ITGA9: variants seen among roughly 807,000 people sequenced by gnomAD.
ITGA9 encodes the protein integrin subunit alpha 9.
Under a neutral mutation model 127.8 loss-of-function variants are expected in ITGA9, and 56 were observed. That is an observed-to-expected ratio of 0.44 (90% CI 0.35 to 0.55). The LOEUF is 0.55. ITGA9 is among the 20% of genes least tolerant of loss of function. The pLI is 0.00. For missense variants in ITGA9, 1,196 were observed against 1,347.1 expected (o/e 0.89, Z 1.76); for synonymous variants, 508 against 514.5 (o/e 0.99, Z 0.17).
chr3:37,660,003 C>T (rs1032389232), intron 17 of ITGA9, among the ~76,000 whole-genome samples: 4 of 149,182 alleles, frequency 2.7e-5, no homozygotes, highest in South Asian at 4.2e-4. Flanking sequence ...CACACACACA[C>T]GCACACACAC....
chr3:37,709,404 C>G (rs1449175226), intron 18 of ITGA9, among the ~76,000 whole-genome samples: 1 of 152,184 alleles, frequency 6.6e-6, no homozygotes, highest in East Asian at 1.9e-4. Flanking sequence ...TCTTAAGTGT[C>G]CCAAGGCCAA....
chr3:37,672,095 C>T (rs1019857596), intron 17 of ITGA9, among the ~76,000 whole-genome samples: 25 of 152,070 alleles, frequency 1.6e-4, no homozygotes, highest in African/African-American at 5.8e-4. Flanking sequence ...GGGTATCAAC[C>T]CAGGGTTCAG....
chr3:37,664,127 C>T lies in ITGA9; in HGVS notation c.1916+10337C>T, dbSNP rs376382419. Among the ~76,000 whole-genome samples the T allele has an allele frequency of 1.8e-4, 27 of 152,290 alleles. No individual in the cohort carries two copies. In the South Asian group the frequency reaches 5.2e-3, roughly 29 times the overall value. On this transcript the variant is annotated intron_variant, in intron 17 of 27. Transcript: ENST00000264741. ...AATGTCTGATTCTACATCGCGCTCTCCTCCTGTACATTGGCTTCTGTTGTC... is the reference window on the plus strand; with the variant it reads ...AATGTCTGATTCTACATCGCGCTCTTCTCCTGTACATTGGCTTCTGTTGTC...
At chr3:37,538,994 T>TGCTGGCATGCACACACCCC (rs1699240264) in intron 14 of ITGA9, among the ~76,000 whole-genome samples, 1 of 152,212 alleles carries the variant, frequency 6.6e-6, no homozygotes, top group East Asian at 1.9e-4. Flanking sequence ...AAGTTTAATG[T>TGCTGGCATGCACACACCCC]GCTGGCATGC....
chr3:37,572,581 A>T (rs1399482868), intron 15 of ITGA9, among the ~76,000 whole-genome samples: 1 of 152,192 alleles, frequency 6.6e-6, no homozygotes, highest in East Asian at 1.9e-4. Flanking sequence ...ATGCAGTTAG[A>T]ATTGGACCTG....
At chr3:37,716,534 G>A (rs1701137459) in intron 18 of ITGA9, among the ~76,000 whole-genome samples, 1 of 150,258 alleles carries the variant, frequency 6.7e-6, no homozygotes, top group African/African-American at 2.5e-5. Flanking sequence ...TCAGTAAATG[G>A]CCAATTTATC....
At chr3:37,707,411 A>G (rs1701018847) in intron 18 of ITGA9, among the ~76,000 whole-genome samples, 1 of 152,262 alleles carries the variant, frequency 6.6e-6, no homozygotes, top group East Asian at 1.9e-4. Context: ...CCTTGTTTTT[A>G]TTATGTTTGT....
rs35166311 is a variant in ITGA9, at chr3:37,760,271, TAAA to T, written c.2541+9713_2541+9715del. Reference sequence around the variant, plus strand: ...GAGTGAGACTCTGTCTCAATTTAATTAAAAAAAAAAAAAGCAAAACACCTGAAA... The same window carrying T: ...GAGTGAGACTCTGTCTCAATTTAATTAAAAAAAAAAGCAAAACACCTGAAA... On this transcript the variant is annotated intron_variant, in intron 23 of 27. Transcript: ENST00000264741. Among the ~76,000 whole-genome samples the T allele has an allele frequency of 4.2e-5, 6 of 141,900 alleles. No individual in the cohort carries two copies. In the East Asian group the frequency reaches 1.2e-3, roughly 29 times the overall value. The allele number at this position is 141,900 out of a possible 152,430, so 93.1% of individuals were successfully genotyped here. A position where few individuals can be genotyped will look rare whatever the true frequency, so the allele number is the denominator to read the frequency against.
intron 23 of ITGA9, among the ~76,000 whole-genome samples, chr3:37,764,159 T>C (rs2125544068): frequency 6.6e-6 from 1 of 152,308 alleles, no homozygotes; most frequent in South Asian, 2.1e-4. Context: ...TTCCCTCATG[T>C]AGAGAAGTTG....
chr3:37,452,295 C>T lies in ITGA9; in HGVS notation c.-80C>T, dbSNP rs1698199882. On this transcript the variant is annotated 5_prime_UTR_variant, in exon 1 of 28. Transcript: ENST00000264741. This position sits in a 1 kb window ranked among gnomAD's most constrained non-coding sequence, Gnocchi z 7.3. ...CAGAGCTCCCGCCCCGGGGAGCTTC[C>T]TGGCCGTCGGCGGGCCCCGCGGCCC... 5 of 829,764 alleles carry T rather than the reference C, an allele frequency of 6.0e-6. No individual in the cohort carries two copies. Among genetic ancestry groups the T allele is most frequent in the South Asian group, 5.4e-5 (1 of 18,390 alleles). The allele number at this position is 829,764 out of a possible 1,614,324, so 51.4% of individuals were successfully genotyped here. A position where few individuals can be genotyped will look rare whatever the true frequency, so the allele number is the denominator to read the frequency against.
chr3:37,523,499 A>C, intron 11 of ITGA9, 22 bp from the exon 12 acceptor site: 1 of 1,590,696 alleles, frequency 6.3e-7, no homozygotes, highest in Non-Finnish European at 8.6e-7. Context: ...CTGTGACTCC[A>C]TTTCCCTATT....
In ITGA9 at chr3:37,452,554, G is replaced by A. The variant is rs757533747; in HGVS notation, c.180G>A (p.Thr60=). The A allele has an allele frequency of 2.0e-6, 3 of 1,519,104 alleles. No individual in the cohort carries two copies. Among genetic ancestry groups the A allele is most frequent in the Admixed American group, 4.1e-5 (2 of 48,640 alleles). 94.1% of individuals were successfully genotyped at this position (1,519,104 alleles called of 1,614,324 possible). ...TTCTGGAGCATTTCCACGACAACAC[G>A]CGCTGGTGAGTGCCCGCCCGACTCC... ...YAVLEHFHDN[T]RWVLVGAPKA... is the part of the protein sequence containing the mutation. Residue 60 remains threonine, a synonymous_variant, in exon 1 of 28, where the codon ACG becomes ACA. Coordinates refer to ENST00000264741, the MANE Select transcript of ITGA9 (RefSeq NM_002207.3). The surrounding 1 kb of genome is among the most constrained non-coding windows in gnomAD (Gnocchi z 7.3).
At chr3:37,669,027 C>T (rs911271502) in intron 17 of ITGA9, among the ~76,000 whole-genome samples, 9 of 152,164 alleles carry the variant, frequency 5.9e-5, no homozygotes, top group African/African-American at 2.2e-4. Context: ...GTGACCTGTC[C>T]GTAAATCATT....
rs1423832122 is a variant in ITGA9 at position 37,704,984 on chromosome 3, A to C, written c.2067+20969A>C. On this transcript the variant is annotated intron_variant, in intron 18 of 27. Transcript: ENST00000264741. ...CCCCTTGTTTGCATGGTTCAGAACTAGGCATTGCAAAGATAACCATTTACT... is the reference window on the plus strand; with the variant it reads ...CCCCTTGTTTGCATGGTTCAGAACTCGGCATTGCAAAGATAACCATTTACT... Among the ~76,000 whole-genome samples the C allele has an allele frequency of 2.0e-5, 3 of 152,226 alleles. No individual in the cohort carries two copies. In the East Asian group the frequency reaches 5.8e-4, roughly 29 times the overall value.
intron 23 of ITGA9, among the ~76,000 whole-genome samples, chr3:37,755,066 C>G (rs562594703): frequency 1.4e-4 from 22 of 152,214 alleles, no homozygotes; most frequent in Non-Finnish European, 2.6e-4. Flanking sequence ...AACTGACCCC[C>G]CCAAAAAAAT....
intron 15 of ITGA9, among the ~76,000 whole-genome samples, chr3:37,574,887 A>G (rs1290431230): frequency 6.6e-6 from 1 of 152,196 alleles, no homozygotes; most frequent in African/African-American, 2.4e-5. Flanking sequence ...GACTTCACCC[A>G]GACTTCTGGA....
rs1048379733 is a variant in ITGA9, at chr3:37,814,377, C to T, written c.3010-4514C>T. On this transcript the variant is annotated intron_variant, in intron 27 of 27. Coordinates refer to ENST00000264741, the MANE Select transcript of ITGA9 (RefSeq NM_002207.3). The surrounding 1 kb of genome is among the most constrained non-coding windows in gnomAD (Gnocchi z 4.3). ...GGTCAGGAGTTCAAGATCAGCCTGGCCAACATGGTGAAACCCCATCTCTAC... is the reference window on the plus strand; with the variant it reads ...GGTCAGGAGTTCAAGATCAGCCTGGTCAACATGGTGAAACCCCATCTCTAC... 1.3e-5 allele frequency among the ~76,000 whole-genome samples: 2 copies of T among 152,152 alleles called. No homozygotes were observed. The highest frequency in any genetic ancestry group is 2.9e-5 in the Non-Finnish European group (2 of 68,034).
At chr3:37,549,294 G>A (rs1310717700) in intron 15 of ITGA9, among the ~76,000 whole-genome samples, 3 of 152,232 alleles carry the variant, frequency 2.0e-5, no homozygotes, top group Non-Finnish European at 4.4e-5. Context: ...TTGGACACTT[G>A]CCACAGAGGA....
chr3:37,511,993 C>CTT (rs1559524315), intron 8 of ITGA9, among the ~76,000 whole-genome samples: 2 of 29,112 alleles, frequency 6.9e-5, no homozygotes, highest in Non-Finnish European at 1.1e-4. Context: ...CTTTTCTTTT[C>CTT]TTTTCTTTTC....
Sources: gnomAD v4.1 joint callset for allele counts (sites outside exome capture counted in the v4.1 genomes callset) on GRCh38, gnomAD v4.1.1 for gene constraint, Gnocchi (gnomAD v3.1) non-coding constraint, MANE v1.5 for transcripts, NCBI Gene and HGNC (gene_info 2026-07-23, HGNC 2026-07-21) for gene names.